Variants in ARID2 observed in about 807,000 individuals in gnomAD.
ARID2 encodes AT-rich interaction domain 2.
A neutral mutation model predicts 184.6 loss-of-function variants in ARID2; 32 were observed. That is an observed-to-expected ratio of 0.17 (90% CI 0.13 to 0.23). The LOEUF (loss-of-function observed/expected upper bound fraction) is 0.23, where lower values mean the gene tolerates loss of function less well. ARID2 is among the 10% of genes least tolerant of loss of function. ARID2 has a pLI of 1.00. For missense variants in ARID2, 1,696 were observed against 2,197.6 expected, an observed-to-expected ratio of 0.77 and a Z score of 4.56; for synonymous variants, 836 against 772.6, an observed-to-expected ratio of 1.08 and a Z score of -1.36.
intron 12 of ARID2, among the ~76,000 whole-genome samples, chr12:45,847,670 A>G (rs1408506198): frequency 6.6e-6 from 1 of 152,016 alleles, no homozygotes; most frequent in East Asian, 1.9e-4. Flanking sequence ...TCTGCCATTC[A>G]CTAACATTAT....
chr12:45,849,001 A>G lies in ARID2; in HGVS notation c.1715+31A>G, dbSNP rs548911179. 2.3e-5 allele frequency: 36 copies of G among 1,593,132 alleles called. No individual in the cohort carries two copies. In the South Asian group the frequency reaches 3.3e-4, roughly 15 times the overall value. ...ATCCATAGTTCTTTAAATAAAGTCC[A>G]TTTACGTCACTTACAACATCTCTTG... is the stretch of plus-strand genomic sequence containing the variant. On this transcript the variant is annotated intron_variant, in intron 13 of 20. Transcript: ENST00000334344.
intron 5 of ARID2, among the ~76,000 whole-genome samples, chr12:45,819,059 G>T (rs1042567666): frequency 7.5e-4 from 114 of 152,176 alleles, no homozygotes; most frequent in African/African-American, 2.6e-3. Flanking sequence ...AGCATTTATT[G>T]TAGAATGGAG....
chr12:45,735,649 G>A (rs902316447), intron 3 of ARID2, among the ~76,000 whole-genome samples: 4 of 151,974 alleles, frequency 2.6e-5, no homozygotes, highest in African/African-American at 9.7e-5. Flanking sequence ...CAAAAAACCT[G>A]ATTTTGATAT....
chr12:45,899,850 A>G (rs1944434068), intron 20 of ARID2, among the ~76,000 whole-genome samples: 1 of 150,760 alleles, frequency 6.6e-6, no homozygotes, highest in African/African-American at 2.4e-5. Flanking sequence ...ATATTTCAAA[A>G]TATGTCTATG....
At chr12:45,813,049 G>C (rs1403300894) in intron 4 of ARID2, among the ~76,000 whole-genome samples, 2 of 152,168 alleles carry the variant, frequency 1.3e-5, no homozygotes, top group East Asian at 3.8e-4. Context: ...GTTACTGATA[G>C]AGCTACACAG....
intron 3 of ARID2, among the ~76,000 whole-genome samples, chr12:45,787,988 C>T (rs1014155309): frequency 6.6e-6 from 1 of 152,148 alleles, no homozygotes; most frequent in African/African-American, 2.4e-5. Flanking sequence ...TTTAAATTGA[C>T]GGATAGCATT....
chr12:45,894,280 TC>T (rs1433675805), intron 20 of ARID2, among the ~76,000 whole-genome samples: 1 of 152,222 alleles, frequency 6.6e-6, no homozygotes, highest in Non-Finnish European at 1.5e-5. Context: ...TACCTTGTCT[TC>T]CTTAGTTACT....
At chr12:45,890,337 ATAGTT>A (rs1395798926) in intron 16 of ARID2, among the ~76,000 whole-genome samples, 12 of 152,234 alleles carry the variant, frequency 7.9e-5, no homozygotes, top group Admixed American at 7.2e-4. Flanking sequence ...GTATTGAAAA[ATAGTT>A]TAGAAATAGA....
At chr12:45,820,785 GT>G (rs1209868589) in intron 5 of ARID2, among the ~76,000 whole-genome samples, 1 of 152,154 alleles carries the variant, frequency 6.6e-6, no homozygotes, top group East Asian at 1.9e-4. Context: ...TGTGCCTTAA[GT>G]TTTTTGGTGG....
In ARID2 at chr12:45,854,209, C is replaced by T. The variant is rs995673059; in HGVS notation, c.4773+1313C>T. 4.6e-5 allele frequency among the ~76,000 whole-genome samples: 7 copies of T among 152,158 alleles called. 1 individual carries two copies. The highest frequency in any genetic ancestry group is 1.7e-4 in the African/African-American group (7 of 41,444). On this transcript the variant is annotated intron_variant, in intron 15 of 20. Coordinates refer to ENST00000334344, the MANE Select transcript of ARID2 (RefSeq NM_152641.4). ...GACTGTCAAGTTGCAGGAAAACAAG[C>T]TCAGAGCCCCCAATGATTCTACATT...
At chr12:45,896,548 C>CAT (rs1447315863) in intron 20 of ARID2, among the ~76,000 whole-genome samples, 1 of 152,204 alleles carries the variant, frequency 6.6e-6, no homozygotes, top group Non-Finnish European at 1.5e-5. Flanking sequence ...TGTTTGCCAC[C>CAT]ATGTGAGACG....
intron 3 of ARID2, among the ~76,000 whole-genome samples, chr12:45,795,884 A>G (rs1259757437): frequency 4.0e-5 from 6 of 151,722 alleles, no homozygotes. Flanking sequence ...CTCTTTTCCT[A>G]TATAACACTA....
rs2138126939 is a variant in ARID2 at position 45,836,796 on chromosome 12, G to C, written c.828G>C (p.Leu276=). 1 of 1,614,076 alleles carries C rather than the reference G, an allele frequency of 6.2e-7. No homozygotes were observed. Among genetic ancestry groups the C allele is most frequent in the Non-Finnish European group, 8.5e-7 (1 of 1,179,980 alleles). ...CTTTATTTCATCCACCTCGAAAGCT[G>C]GGCATTAACGATATTGAAGGACAGC... ...WESLFHPPRK[L]GINDIEGQRV... is the part of the protein sequence containing the mutation. The change falls in exon 8 of 21, where the codon CTG becomes CTC. Residue 276 remains leucine (L), a synonymous_variant. Coordinates refer to ENST00000334344, the MANE Select transcript of ARID2 (RefSeq NM_152641.4).
chr12:45,871,625 G>A (rs889243186), intron 16 of ARID2, among the ~76,000 whole-genome samples: 32 of 152,138 alleles, frequency 2.1e-4, no homozygotes, highest in Non-Finnish European at 4.4e-5. Flanking sequence ...CATAGAATAA[G>A]TTAGAAAGTG....
chr12:45,754,721 T>C (rs1481166616), intron 3 of ARID2, among the ~76,000 whole-genome samples: 1 of 152,242 alleles, frequency 6.6e-6, no homozygotes, highest in Non-Finnish European at 1.5e-5. Context: ...ATAACAACTT[T>C]TTTATTGTCT....
chr12:45,735,915 CT>C (rs201754748), intron 3 of ARID2, among the ~76,000 whole-genome samples: 1 of 151,042 alleles, frequency 6.6e-6, no homozygotes. Flanking sequence ...TGTTTATATG[CT>C]TTTTTTTTGC....
chr12:45,827,989 ATTATC>A (rs565398641), intron 6 of ARID2, among the ~76,000 whole-genome samples: 11 of 152,224 alleles, frequency 7.2e-5, no homozygotes, highest in African/African-American at 2.2e-4. Flanking sequence ...AATTTAATAT[ATTATC>A]TTTTTTGGAC....
In ARID2 at chr12:45,885,063, G is replaced by T. The variant is rs1426384054; in HGVS notation, c.4923-6717G>T. The stretch of plus-strand genomic sequence containing the variant: ...AAATTAATTTCTCTTTAATAGTGTA[G>T]TTAGTACTTTTTTTCTATTTTGAAC... On this transcript the variant is annotated intron_variant, in intron 16 of 20. Transcript: ENST00000334344. Among the ~76,000 whole-genome samples the T allele has an allele frequency of 2.4e-4, 36 of 151,242 alleles. 1 individual carries two copies. The highest frequency in any genetic ancestry group is 2.3e-3 in the Admixed American group (35 of 15,124).
rs2138156759 is a variant in ARID2, at chr12:45,849,633, G to C, written c.1769G>C (p.Gly590Ala). ...VKRVEDSSSN[G>A]QAHIHVVGVK... is the part of the protein sequence containing the mutation. ...AGAGTGGAGGATTCCAGTAGCAATG[G>C]GCAGGCACATATTCATGTGGTAGGA... Residue 590 changes from glycine (G) to alanine (A), a missense_variant, in exon 14 of 21, where the codon GGG (glycine) becomes GCG (alanine). Gly to Ala is a moderately conservative substitution (Grantham distance 60). Transcript: ENST00000334344. The C allele has an allele frequency of 6.2e-7, 1 of 1,613,518 alleles. No individual in the cohort carries two copies. The highest frequency in any genetic ancestry group is 8.5e-7 in the Non-Finnish European group (1 of 1,179,658).
Sources: gnomAD v4.1 joint callset for allele counts (sites outside exome capture counted in the v4.1 genomes callset) on GRCh38, gnomAD v4.1.1 for gene constraint, MANE v1.5 for transcripts, NCBI Gene and HGNC (gene_info 2026-07-23, HGNC 2026-07-21) for gene names.